The following OCA2 variants were observed in gnomAD, a reference collection of about 807,000 sequenced individuals.
OCA2 encodes the protein P protein.
OCA2 carries 77 observed loss-of-function variants against 100.2 expected under a neutral mutation model. The observed-to-expected ratio is 0.77, with a 90% confidence interval of 0.64 to 0.93. The LOEUF (loss-of-function observed/expected upper bound fraction) is 0.93. Ranked by LOEUF, OCA2 falls within the 40% of genes least tolerant of loss-of-function variation. OCA2 has a pLI of 0.00. For missense variants in OCA2, 1,062 were observed against 1,089.1 expected, an observed-to-expected ratio of 0.98 and a Z score of 0.35; for synonymous variants, 432 against 439.2, an observed-to-expected ratio of 0.98 and a Z score of 0.21.
chr15:27,932,873 T>C (rs1472243445), intron 18 of OCA2, among the ~76,000 whole-genome samples: 1 of 151,562 alleles, frequency 6.6e-6, no homozygotes, highest in Non-Finnish European at 1.5e-5. Context: ...TTATAAAAAA[T>C]AATAATAATA....
In OCA2 at chr15:28,022,167, G is replaced by A. The variant is rs996085532; in HGVS notation, c.646+334C>T. ...CAAGGTGACACAGCCAGGACAGCAG[G>A]GACTGGAAGATGGGTCACGCTGAAC... On this transcript the variant is annotated intron_variant, in intron 6 of 23. Transcript: ENST00000354638. Among the ~76,000 whole-genome samples, 8 of 152,202 alleles carry A rather than the reference G, an allele frequency of 5.3e-5. No individual in the cohort carries two copies. The South Asian group carries it at 1.2e-3, about 24-fold the overall frequency.
chr15:27,766,808 T>A (rs543351392), intron 23 of OCA2, among the ~76,000 whole-genome samples: 38 of 152,260 alleles, frequency 2.5e-4, no homozygotes, highest in African/African-American at 8.7e-4. Flanking sequence ...CAGGCTACCC[T>A]GGGGATCCAG....
At chr15:27,942,216 TATATG>T (rs1349203914) in intron 18 of OCA2, among the ~76,000 whole-genome samples, 2 of 147,920 alleles carry the variant, frequency 1.4e-5, no homozygotes, top group Non-Finnish European at 3.0e-5. Context: ...CTATATATAA[TATATG>T]ATATTATATA....
At chr15:28,042,686 C>T (rs887620328) in intron 2 of OCA2, among the ~76,000 whole-genome samples, 15 of 151,474 alleles carry the variant, frequency 9.9e-5, no homozygotes, top group Admixed American at 9.9e-4. Context: ...AAATAAAATG[C>T]TTTCTAAAAA....
chr15:28,085,198 C>T (rs1341833848), intron 1 of OCA2, among the ~76,000 whole-genome samples: 1 of 152,254 alleles, frequency 6.6e-6, no homozygotes, highest in South Asian at 2.1e-4. Context: ...GCAATCCCAC[C>T]GCACCTCCCC....
At chr15:28,082,124 G>A (rs1383316301) in intron 1 of OCA2, among the ~76,000 whole-genome samples, 2 of 152,190 alleles carry the variant, frequency 1.3e-5, no homozygotes, top group Non-Finnish European at 2.9e-5. Flanking sequence ...GATTGTAAAT[G>A]CACCAATCAG....
chr15:27,971,116 A>G (rs780732223), intron 14 of OCA2, among the ~76,000 whole-genome samples: 18 of 151,696 alleles, frequency 1.2e-4, no homozygotes, highest in African/African-American at 1.7e-4. Context: ...GAACACGGAA[A>G]GAACCTCCCA....
intron 19 of OCA2, among the ~76,000 whole-genome samples, chr15:27,902,999 C>G (rs1215414709): frequency 6.6e-6 from 1 of 152,188 alleles, no homozygotes; most frequent in Non-Finnish European, 1.5e-5. Context: ...CCACAGGGCA[C>G]CCGGGTCAGG....
intron 2 of OCA2, among the ~76,000 whole-genome samples, chr15:28,064,864 T>TA (rs201232133): frequency 8.0e-5 from 12 of 150,410 alleles, no homozygotes; most frequent in African/African-American, 1.2e-4. Context: ...GGTTTTTTTT[T>TA]TTATTATTAT....
chr15:27,970,274 G>T (rs1567173467), intron 14 of OCA2, among the ~76,000 whole-genome samples: 1 of 146,510 alleles, frequency 6.8e-6, no homozygotes, highest in Non-Finnish European at 1.5e-5. Context: ...TATTAAATAG[G>T]TGTGTGGAAA....
chr15:27,840,936 A>G (rs55650725), intron 23 of OCA2, among the ~76,000 whole-genome samples: 6,397 of 152,278 alleles, frequency 0.042, 157 homozygotes, highest in South Asian at 0.061. Context: ...TTTTTGACAC[A>G]TTGGGCCTCA....
chr15:27,756,562 A>C (rs1429122085), intron 23 of OCA2, among the ~76,000 whole-genome samples: 1 of 152,372 alleles, frequency 6.6e-6, no homozygotes, highest in East Asian at 1.9e-4. Context: ...TTTGTTTTTG[A>C]AAATAGCTGA....
intron 16 of OCA2, among the ~76,000 whole-genome samples, chr15:27,956,506 C>G (rs2040227123): frequency 6.6e-6 from 1 of 152,194 alleles, no homozygotes; most frequent in African/African-American, 2.4e-5. Flanking sequence ...CGTGGTGAGC[C>G]TCGGAGCCCA....
chr15:27,784,273 A>G (rs2032694914), intron 23 of OCA2, among the ~76,000 whole-genome samples: 1 of 152,246 alleles, frequency 6.6e-6, no homozygotes, highest in Non-Finnish European at 1.5e-5. Context: ...AACACAAGGT[A>G]CCACGAGAGG....
At chr15:27,765,209 T>C (rs948884747) in intron 23 of OCA2, among the ~76,000 whole-genome samples, 4 of 152,022 alleles carry the variant, frequency 2.6e-5, no homozygotes, top group Admixed American at 2.6e-4. Flanking sequence ...AGGTTCAACA[T>C]CAAAAGCTGA....
intron 1 of OCA2, among the ~76,000 whole-genome samples, chr15:28,082,772 TTTTG>T (rs1365358162): frequency 6.6e-6 from 1 of 152,110 alleles, no homozygotes; most frequent in Non-Finnish European, 1.5e-5. Context: ...TTTTCTTTGG[TTTTG>T]TTTGATCTAT....
At chr15:28,061,639 G>C (rs2043876644) in intron 2 of OCA2, among the ~76,000 whole-genome samples, 1 of 152,136 alleles carries the variant, frequency 6.6e-6, no homozygotes, top group South Asian at 2.1e-4. Flanking sequence ...AGTACACAGA[G>C]AGAAGGCACC....
chr15:28,081,957 T>C, intron 1 of OCA2, 62 bp from the exon 2 acceptor site: 1 of 1,350,286 alleles, frequency 7.4e-7, no homozygotes, highest in Non-Finnish European at 1.0e-6. Flanking sequence ...CGTTTGCACC[T>C]TGGGAGTCCG....
intron 2 of OCA2, among the ~76,000 whole-genome samples, chr15:28,041,888 AT>A (rs1746735861): frequency 6.6e-6 from 1 of 152,204 alleles, no homozygotes; most frequent in South Asian, 2.1e-4. Flanking sequence ...GGATAAATTT[AT>A]TTGGTTTTAG....
Sources: gnomAD v4.1 joint callset for allele counts (sites outside exome capture counted in the v4.1 genomes callset) on GRCh38, gnomAD v4.1.1 for gene constraint, MANE v1.5 for transcripts, NCBI Gene and HGNC (gene_info 2026-07-23, HGNC 2026-07-21) for gene names.